The following PTGES3 variants were observed in gnomAD, a reference collection of about 807,000 sequenced individuals.
The protein encoded by PTGES3 is prostaglandin E synthase 3, also known as Hsp90 co-chaperone.
PTGES3 carries 5 observed loss-of-function variants against 29.9 expected under a neutral mutation model. The ratio of observed to expected loss-of-function variants is 0.17; its 90% confidence interval spans 0.09 to 0.35. The LOEUF (loss-of-function observed/expected upper bound fraction) is 0.35. Ranked by LOEUF, PTGES3 falls within the 10% of genes least tolerant of loss-of-function variation. The pLI is 1.00. For missense variants in PTGES3, 128 were observed against 190.0 expected (o/e 0.67, Z 1.92); for synonymous variants, 49 against 57.8 (o/e 0.85, Z 0.69).
Position 56,688,102 on chromosome 12 carries a change from C to G in PTGES3, c.-103G>C. ...CTCCGGTGGCGACTCCGCTTTTTCT[C>G]TCCGGTCGCGGCCTCTTCTCGCTTC... On this transcript the variant is annotated 5_prime_UTR_variant, in exon 1 of 8. Transcript: ENST00000262033. 7.0e-7 allele frequency: 1 copy of G among 1,431,564 alleles called. No homozygotes were observed. Among genetic ancestry groups the G allele is most frequent in the Non-Finnish European group, 9.1e-7 (1 of 1,093,518 alleles). 88.7% of individuals were successfully genotyped at this position (1,431,564 alleles called of 1,614,324 possible). A position where few individuals can be genotyped will look rare whatever the true frequency, so the allele number is the denominator to read the frequency against.
chr12:56,687,902 C>G, intron 1 of PTGES3, 96 bp downstream of exon 1: 2 of 1,596,736 alleles, frequency 1.3e-6, no homozygotes, highest in Non-Finnish European at 1.7e-6. Context: ...ACTGCCACCA[C>G]CGATGCGAGA....
Position 56,666,220 on chromosome 12 carries a change from A to G in PTGES3, c.422T>C (p.Val141Ala). 1 of 1,611,048 alleles carries G rather than the reference A, an allele frequency of 6.2e-7. No individual in the cohort carries two copies. The highest frequency in any genetic ancestry group is 8.5e-7 in the Non-Finnish European group (1 of 1,178,322). Reference sequence around the variant, plus strand: ...TAGACTTACATCATCTGCTCCATCTACTTCTGGTAAATCTACATCCTCATC... The same window carrying G: ...TAGACTTACATCATCTGCTCCATCTGCTTCTGGTAAATCTACATCCTCATC... ...GGDEDVDLPE[V>A]DGADDDSQDS... Residue 141 changes from valine to alanine, a missense_variant, in exon 6 of 8, where the codon GTA becomes GCA. Val to Ala is a moderately conservative substitution (Grantham distance 64). Transcript: ENST00000262033.
At chr12:56,680,755 C>A (rs545044865) in intron 1 of PTGES3, among the ~76,000 whole-genome samples, 1 of 149,274 alleles carries the variant, frequency 6.7e-6, no homozygotes, top group Non-Finnish European at 1.5e-5. Flanking sequence ...CACCCTCCAC[C>A]CACTTGTAGT....
At chr12:56,687,954 C>T in intron 1 of PTGES3, 44 bp downstream of exon 1, 1 of 1,603,056 alleles carries the variant, frequency 6.2e-7, no homozygotes, top group Non-Finnish European at 8.5e-7. Context: ...AACGCGGCCT[C>T]GGCCTCACTC....
chr12:56,678,893 T>C (rs144996991), intron 1 of PTGES3, among the ~76,000 whole-genome samples: 1 of 151,876 alleles, frequency 6.6e-6, no homozygotes, highest in Non-Finnish European at 1.5e-5. Flanking sequence ...AAGGTGAGAG[T>C]ATCATTTTGG....
chr12:56,668,281 TAA>T (rs1191314603), intron 5 of PTGES3, among the ~76,000 whole-genome samples: 3 of 152,210 alleles, frequency 2.0e-5, no homozygotes, highest in East Asian at 1.9e-4. Flanking sequence ...CTCAATACTT[TAA>T]GTTTCTTTGG....
chr12:56,664,468 G>A lies in PTGES3; in HGVS notation c.*11C>T, dbSNP rs201512816. On this transcript the variant is annotated 3_prime_UTR_variant, in exon 8 of 8. Transcript: ENST00000262033. Reference sequence around the variant, plus strand: ...TTTTCTTTCTCAAAATCCAGGTGATGACAATATTCCTTACTCCAGATCTGG... The same window carrying A: ...TTTTCTTTCTCAAAATCCAGGTGATAACAATATTCCTTACTCCAGATCTGG... 6.1e-5 allele frequency: 97 copies of A among 1,603,284 alleles called. No individual in the cohort carries two copies. The highest frequency in any genetic ancestry group is 7.8e-5 in the Non-Finnish European group (92 of 1,175,846).
chr12:56,688,163 G>A lies in PTGES3; in HGVS notation c.-164C>T. ...CGGCGGCAGCGGCGGGCTCGACCTC[G>A]GGCCCCAGAATGCACCGCGCGGAAA... On this transcript the variant is annotated 5_prime_UTR_variant, in exon 1 of 8. Transcript: ENST00000262033. 7.6e-7 allele frequency: 1 copy of A among 1,310,964 alleles called. No individual in the cohort carries two copies. 81.2% of individuals were successfully genotyped at this position (1,310,964 alleles called of 1,614,324 possible). A position where few individuals can be genotyped will look rare whatever the true frequency, so the allele number is the denominator to read the frequency against.
At chr12:56,683,935 G>C (rs1952697457) in intron 1 of PTGES3, among the ~76,000 whole-genome samples, 1 of 149,666 alleles carries the variant, frequency 6.7e-6, no homozygotes, top group Non-Finnish European at 1.5e-5. Flanking sequence ...ACTCCAGCCT[G>C]GGCGACAGCG....
At chr12:56,681,988 A>G (rs758861049) in intron 1 of PTGES3, among the ~76,000 whole-genome samples, 5 of 152,048 alleles carry the variant, frequency 3.3e-5, no homozygotes, top group Non-Finnish European at 7.4e-5. Context: ...CTGGGATTAC[A>G]GGCACCCGCC....
chr12:56,681,102 G>C (rs775026422), intron 1 of PTGES3, among the ~76,000 whole-genome samples: 1 of 150,854 alleles, frequency 6.6e-6, no homozygotes, highest in Non-Finnish European at 1.5e-5. Context: ...TTGTTTTTTT[G>C]TTTGGACAGA....
intron 1 of PTGES3, among the ~76,000 whole-genome samples, chr12:56,683,965 AAAAAAAC>A (rs1352172043): frequency 3.1e-4 from 46 of 146,046 alleles, no homozygotes; most frequent in African/African-American, 1.1e-3. Flanking sequence ...CTCAAAAAAA[AAAAAAAC>A]AAAAAAAACA....
rs1592295030 is a variant in PTGES3 at position 56,687,821 on chromosome 12, G to GA, written c.2+176dup. ...GGGTGGGGGAAGCAGACATCTGGAG[G>GA]AAAAATGTCCTCCACCCGCCAACGG... On this transcript the variant is annotated intron_variant, in intron 1 of 7. Coordinates refer to ENST00000262033, the MANE Select transcript of PTGES3 (RefSeq NM_006601.7). 4 of 1,449,000 alleles carry GA rather than the reference G, an allele frequency of 2.8e-6. No homozygotes were observed. The East Asian group carries it at 1.1e-4, about 40-fold the overall frequency. The allele number at this position is 1,449,000 out of a possible 1,614,324, so 89.8% of individuals were successfully genotyped here.
rs1434687768 is a variant in PTGES3 at position 56,663,485 on chromosome 12, TC to T, written c.*993del. 1 of 152,364 alleles carries T rather than the reference TC, an allele frequency of 6.6e-6. No homozygotes were observed. The highest frequency in any genetic ancestry group is 2.4e-5 in the African/African-American group (1 of 41,460). 9.4% of individuals were successfully genotyped at this position (152,364 alleles called of 1,614,324 possible). A position where few individuals can be genotyped will look rare whatever the true frequency, so the allele number is the denominator to read the frequency against. On this transcript the variant is annotated 3_prime_UTR_variant, in exon 8 of 8. Coordinates refer to ENST00000262033, the MANE Select transcript of PTGES3 (RefSeq NM_006601.7). ...GTTTCCTGTGACATTACAGCAAGCCTCTTTTTTCAAACAGAGGAATAATCCC... is the reference window on the plus strand; with the variant it reads ...GTTTCCTGTGACATTACAGCAAGCCTTTTTTTCAAACAGAGGAATAATCCC...
intron 1 of PTGES3, among the ~76,000 whole-genome samples, chr12:56,675,884 T>C (rs141176697): frequency 1.4e-3 from 213 of 151,488 alleles, no homozygotes; most frequent in East Asian, 9.5e-3. Context: ...GACCACGCCA[T>C]TGCACTCCAG....
At chr12:56,675,465 G>A (rs1191736295) in intron 1 of PTGES3, among the ~76,000 whole-genome samples, 2 of 148,270 alleles carry the variant, frequency 1.3e-5, no homozygotes, top group African/African-American at 2.5e-5. Flanking sequence ...GGAGGCGGAA[G>A]TTGCAGTGAG....
At chr12:56,678,138 T>C (rs1008778844) in intron 1 of PTGES3, among the ~76,000 whole-genome samples, 12 of 152,174 alleles carry the variant, frequency 7.9e-5, no homozygotes, top group Non-Finnish European at 1.0e-4. Flanking sequence ...TAGCAGAACT[T>C]TGATGTCTCA....
In PTGES3 at chr12:56,665,986, A is replaced by T. The variant is rs552923960; in HGVS notation, c.438+218T>A. On this transcript the variant is annotated intron_variant, in intron 6 of 7. Coordinates refer to ENST00000262033, the MANE Select transcript of PTGES3 (RefSeq NM_006601.7). ...TGTCTCTATACAATGATTCTTTGGA[A>T]ATCTAATCCATTTAGGAATGGTCTA... The T allele has an allele frequency of 1.3e-5, 17 of 1,277,936 alleles. No homozygotes were observed. The African/African-American group carries it at 2.2e-4, about 16-fold the overall frequency. The allele number at this position is 1,277,936 out of a possible 1,614,324, so 79.2% of individuals were successfully genotyped here. A position where few individuals can be genotyped will look rare whatever the true frequency, so the allele number is the denominator to read the frequency against.
intron 4 of PTGES3, 23 bp from the exon 5 acceptor site, chr12:56,670,387 C>T: frequency 6.5e-7 from 1 of 1,534,116 alleles, no homozygotes; most frequent in South Asian, 1.1e-5. Flanking sequence ...ACAAATATCA[C>T]CCTAAGATTA....
Sources: allele counts gnomAD v4.1 joint callset (sites outside exome capture counted in the v4.1 genomes callset), GRCh38; gene constraint gnomAD v4.1.1; transcripts MANE v1.5; gene names NCBI Gene and HGNC (gene_info 2026-07-23, HGNC 2026-07-21).